Variants in EYS observed in about 807,000 individuals in gnomAD.
EYS encodes the protein EGF-like photoreceptor maintenance factor.
EYS carries 250 observed loss-of-function variants against 282.1 expected under a neutral mutation model. The observed-to-expected ratio is 0.89, with a 90% CI of 0.80 to 0.98. The LOEUF is 0.98. Ranked by LOEUF, EYS falls within the 50% of genes least tolerant of loss-of-function variation. The pLI is 0.00. For missense variants in EYS, 4,016 were observed against 3,709.0 expected (o/e 1.08, Z -2.15); for synonymous variants, 1,355 against 1,282.9 (o/e 1.06, Z -1.20).
At chr6:65,196,320 C>T (rs1765765552) in intron 12 of EYS, among the ~76,000 whole-genome samples, 1 of 152,054 alleles carries the variant, frequency 6.6e-6, no homozygotes, top group South Asian at 2.1e-4. Context: ...TTTACCATTC[C>T]CATGGTTTTT....
At chr6:64,796,746 T>C (rs1427017767) in intron 22 of EYS, among the ~76,000 whole-genome samples, 2 of 152,138 alleles carry the variant, frequency 1.3e-5, no homozygotes, top group Non-Finnish European at 2.9e-5. Flanking sequence ...GAGTTGAATA[T>C]GAACATTTCT....
intron 22 of EYS, among the ~76,000 whole-genome samples, chr6:64,708,611 T>G (rs1011106710): frequency 6.6e-6 from 1 of 152,132 alleles, no homozygotes; most frequent in East Asian, 1.9e-4. Flanking sequence ...ACAGATTTGT[T>G]AGCTATTTGG....
intron 2 of EYS, among the ~76,000 whole-genome samples, chr6:65,553,799 C>T (rs1418517873): frequency 6.6e-6 from 1 of 152,010 alleles, no homozygotes; most frequent in South Asian, 2.1e-4. Flanking sequence ...ATGTCCAAAT[C>T]TCAAGCTGAT....
Position 64,902,490 on chromosome 6 carries a change from A to C in EYS, c.2652T>G (p.Gly884=). 6.5e-7 allele frequency: 1 copy of C among 1,531,116 alleles called. No homozygotes were observed. The highest frequency in any genetic ancestry group is 8.8e-7 in the Non-Finnish European group (1 of 1,140,694). 94.8% of individuals were successfully genotyped at this position (1,531,116 alleles called of 1,614,324 possible). Residue 884 remains glycine, a synonymous_variant, in exon 17 of 43, where the codon GGT becomes GGG. Transcript: ENST00000503581. Reference sequence around the variant, plus strand: ...CTTTCACATCAATTTCACAGTTTTTACCTTCAAATTCTGCAAAGAGTATGA... The same window carrying C: ...CTTTCACATCAATTTCACAGTTTTTCCCTTCAAATTCTGCAAAGAGTATGA... ...QHCICREEFE[G]KNCEIDVKDC...
intron 32 of EYS, among the ~76,000 whole-genome samples, chr6:64,079,425 G>A (rs80178733): frequency 0.013 from 2,012 of 152,084 alleles, 41 homozygotes; most frequent in African/African-American, 0.045. Context: ...CATTTTACTC[G>A]TAGTCAAATA....
At chr6:63,818,929 C>G (rs1182136799) in intron 36 of EYS, among the ~76,000 whole-genome samples, 3 of 152,220 alleles carry the variant, frequency 2.0e-5, no homozygotes, top group Non-Finnish European at 4.4e-5. Context: ...TGTCTCCTTC[C>G]ATCCAAAAAT....
chr6:64,391,426 C>G (rs2150427641), intron 28 of EYS, among the ~76,000 whole-genome samples: 1 of 152,266 alleles, frequency 6.6e-6, no homozygotes, highest in Non-Finnish European at 1.5e-5. Context: ...CAGCAGATCT[C>G]TCGGCAGAAA....
At chr6:65,390,929 G>A (rs114922083) in intron 7 of EYS, among the ~76,000 whole-genome samples, 82 of 152,038 alleles carry the variant, frequency 5.4e-4, no homozygotes, top group Middle Eastern at 3.4e-3. Context: ...GTGGATACTT[G>A]GAAAATATTC....
At chr6:63,862,639 C>T (rs957485559) in intron 36 of EYS, among the ~76,000 whole-genome samples, 13 of 152,046 alleles carry the variant, frequency 8.6e-5, no homozygotes, top group Admixed American at 3.3e-4. Flanking sequence ...GAAGCAAAAC[C>T]GATGATTCAT....
At chr6:64,756,589 G>C (rs919647858) in intron 22 of EYS, among the ~76,000 whole-genome samples, 1 of 152,036 alleles carries the variant, frequency 6.6e-6, no homozygotes, top group Non-Finnish European at 1.5e-5. Context: ...TGTTTTAAAG[G>C]ACAAGGACAA....
chr6:64,491,180 A>G (rs1776728896), intron 26 of EYS, among the ~76,000 whole-genome samples: 4 of 150,908 alleles, frequency 2.7e-5, no homozygotes, highest in Admixed American at 2.6e-4. Context: ...AACTATATCC[A>G]CAAGCTTATA....
chr6:65,538,617 G>A (rs573617797), intron 2 of EYS, among the ~76,000 whole-genome samples: 8 of 152,220 alleles, frequency 5.3e-5, no homozygotes, highest in Non-Finnish European at 1.0e-4. Flanking sequence ...ATAGACCACT[G>A]CTATATTTTA....
Position 65,136,793 on chromosome 6 carries a change from C to T in EYS, c.2024-79066G>A, listed in dbSNP as rs115641720. Among the ~76,000 whole-genome samples the T allele has an allele frequency of 6.2e-3, 947 of 152,116 alleles. 11 individuals carry two copies. The highest frequency in any genetic ancestry group is 0.022 in the African/African-American group (898 of 41,490). On this transcript the variant is annotated intron_variant, in intron 12 of 42. Coordinates refer to ENST00000503581, the MANE Select transcript of EYS (RefSeq NM_001142800.2). ...CTCTGCCTCTGGTGCTCAGGAGATC[C>T]TCCCACCTCAGTCTCTTAAGTGGGA...
chr6:63,926,184 A>G (rs1764711742), intron 35 of EYS, among the ~76,000 whole-genome samples: 1 of 152,230 alleles, frequency 6.6e-6, no homozygotes, highest in Non-Finnish European at 1.5e-5. Flanking sequence ...TAAGATGTTT[A>G]GTTCAATTCT....
chr6:65,078,703 A>G (rs544551794), intron 12 of EYS, among the ~76,000 whole-genome samples: 1 of 152,166 alleles, frequency 6.6e-6, no homozygotes, highest in South Asian at 2.1e-4. Context: ...GCCAGTAAAA[A>G]CTAAGCATAA....
At chr6:64,359,960 T>G (rs571516786) in intron 29 of EYS, among the ~76,000 whole-genome samples, 1 of 151,786 alleles carries the variant, frequency 6.6e-6, no homozygotes, top group Non-Finnish European at 1.5e-5. Flanking sequence ...ACCAATCCAG[T>G]CACTATTTGG....
At chr6:65,689,537 G>T (rs1769162706) in intron 1 of EYS, among the ~76,000 whole-genome samples, 1 of 149,604 alleles carries the variant, frequency 6.7e-6, no homozygotes, top group South Asian at 2.2e-4. Flanking sequence ...AAAAAATTAT[G>T]TGTAAAAATT....
intron 29 of EYS, among the ~76,000 whole-genome samples, chr6:64,367,610 G>GA (rs11406765): frequency 0.68 from 100,828 of 148,816 alleles, 33,969 homozygotes; most frequent in South Asian, 0.72. Flanking sequence ...TTGGATTTCA[G>GA]AAAAAAAAAA....
At chr6:65,137,738 T>A (rs577907892) in intron 12 of EYS, among the ~76,000 whole-genome samples, 1 of 151,906 alleles carries the variant, frequency 6.6e-6, no homozygotes, top group African/African-American at 2.4e-5. Context: ...ATGGGTGGCA[T>A]TTGTGTATTG....
Sources: allele counts gnomAD v4.1 joint callset (sites outside exome capture counted in the v4.1 genomes callset), GRCh38; gene constraint gnomAD v4.1.1; transcripts MANE v1.5; gene names NCBI Gene and HGNC (gene_info 2026-07-23, HGNC 2026-07-21).